Variants in ZNF827 observed in about 807,000 individuals in gnomAD.
The protein encoded by ZNF827 is zinc finger protein 827.
A neutral mutation model predicts 102.4 loss-of-function variants in ZNF827; 13 were observed. That is an observed-to-expected ratio of 0.13 (90% CI 0.08 to 0.20). The LOEUF (loss-of-function observed/expected upper bound fraction) is 0.20, where lower values mean the gene tolerates loss of function less well. Among genes scored for constraint, ZNF827 ranks in the 10% least tolerant of loss-of-function variants. The pLI is 1.00. For missense variants in ZNF827, 1,103 were observed against 1,344.4 expected, an observed-to-expected ratio of 0.82 and a Z score of 2.81; for synonymous variants, 523 against 536.2, an observed-to-expected ratio of 0.98 and a Z score of 0.34.
intron 5 of ZNF827, among the ~76,000 whole-genome samples, 198 bp downstream of exon 5, chr4:145,870,047 T>C (rs62326178): frequency 2.0e-5 from 3 of 152,216 alleles, no homozygotes; most frequent in African/African-American, 7.2e-5. Flanking sequence ...TTTAATAAGA[T>C]AGGTACACAG....
At chr4:145,862,507 T>A (rs1289967610) in intron 5 of ZNF827, among the ~76,000 whole-genome samples, 1 of 152,056 alleles carries the variant, frequency 6.6e-6, no homozygotes, top group African/African-American at 2.4e-5. Context: ...TATTTCATTG[T>A]CCCCCAGCCA....
chr4:145,871,130 T>C (rs929439213), intron 4 of ZNF827, among the ~76,000 whole-genome samples: 1 of 152,162 alleles, frequency 6.6e-6, no homozygotes. Context: ...GAACAGTTTT[T>C]ATTTTGGAAT....
intron 2 of ZNF827, among the ~76,000 whole-genome samples, chr4:145,895,055 G>C (rs1400852767): frequency 6.6e-6 from 1 of 152,064 alleles, no homozygotes; most frequent in African/African-American, 2.4e-5. Context: ...AAACAAACAG[G>C]CTGTCATTGA....
At chr4:145,908,892 G>C (rs1752073943) in intron 1 of ZNF827, among the ~76,000 whole-genome samples, 1 of 152,214 alleles carries the variant, frequency 6.6e-6, no homozygotes, top group African/African-American at 2.4e-5. Context: ...ATGAACTCCA[G>C]AGGTGCAGGT....
chr4:145,933,787 GAA>G (rs113838687), intron 1 of ZNF827, among the ~76,000 whole-genome samples: 1 of 141,548 alleles, frequency 7.1e-6, no homozygotes. Flanking sequence ...CACCAATGGT[GAA>G]AAAAAAAAAA....
chr4:145,829,511 G>A (rs905517843), intron 7 of ZNF827, among the ~76,000 whole-genome samples: 3 of 152,218 alleles, frequency 2.0e-5, no homozygotes, highest in Non-Finnish European at 4.4e-5. Flanking sequence ...GATTTCGAGA[G>A]CTGGATAAAA....
chr4:145,844,507 C>CTGGGCAACATGGCAAACA, intron 7 of ZNF827, among the ~76,000 whole-genome samples: 1 of 151,574 alleles, frequency 6.6e-6, no homozygotes, highest in Admixed American at 6.6e-5. Flanking sequence ...TGGCGAAACC[C>CTGGGCAACATGGCAAACA]TGTCTTTACA....
chr4:145,905,030 T>C (rs961260438), intron 1 of ZNF827, among the ~76,000 whole-genome samples: 5 of 152,236 alleles, frequency 3.3e-5, no homozygotes, highest in African/African-American at 1.2e-4. Flanking sequence ...ATTAGGTGCA[T>C]ATTTTTATTG....
chr4:145,794,354 A>G (rs1169850879), intron 8 of ZNF827, among the ~76,000 whole-genome samples: 1 of 152,172 alleles, frequency 6.6e-6, no homozygotes, highest in African/African-American at 2.4e-5. Context: ...GTCACATTCT[A>G]GTCTTACAGG....
At chr4:145,910,746 T>C (rs1310051829) in intron 1 of ZNF827, among the ~76,000 whole-genome samples, 1 of 152,196 alleles carries the variant, frequency 6.6e-6, no homozygotes, top group East Asian at 1.9e-4. Flanking sequence ...AAGGCATCCC[T>C]AATCATCTCC....
Position 145,765,482 on chromosome 4 carries a change from A to T in ZNF827, c.3052+65T>A. The T allele has an allele frequency of 2.6e-6, 4 of 1,534,244 alleles. No homozygotes were observed. The highest frequency in any genetic ancestry group is 3.5e-6 in the Non-Finnish European group (4 of 1,139,368). On this transcript the variant is annotated intron_variant, in intron 12 of 14. Coordinates refer to ENST00000508784, the MANE Select transcript of ZNF827 (RefSeq NM_001306215.2). The surrounding 1 kb of genome is among the most constrained non-coding windows in gnomAD (Gnocchi z 4.7). ...TTGACATCGCTCCTGTGCAGGGCTT[A>T]TTCTCAAGAATGGGTCATCCTGGGT...
chr4:145,860,753 T>C (rs1483835593), intron 5 of ZNF827, among the ~76,000 whole-genome samples: 1 of 152,210 alleles, frequency 6.6e-6, no homozygotes, highest in Non-Finnish European at 1.5e-5. Context: ...AAAAGAATTA[T>C]TAGAAGGGAA....
chr4:145,938,232 G>T, intron 1 of ZNF827, 133 bp downstream of exon 1: 2 of 1,062,322 alleles, frequency 1.9e-6, no homozygotes, highest in Non-Finnish European at 2.9e-6. Flanking sequence ...GAGTAACCCG[G>T]GCTGTGTCTT....
chr4:145,835,805 T>C (rs555046027), intron 7 of ZNF827, among the ~76,000 whole-genome samples: 1 of 141,826 alleles, frequency 7.1e-6, no homozygotes, highest in South Asian at 2.6e-4. Flanking sequence ...CATGGCCTTT[T>C]AAAGACTATA....
At position 145,849,332 on chromosome 4, in the gene ZNF827, A is replaced by G. The variant is rs1190670863; in HGVS notation, c.2211T>C (p.Phe737=). Residue 737 remains phenylalanine (F), a synonymous_variant, in exon 6 of 15, where the codon TTT becomes TTC. Coordinates refer to ENST00000508784, the MANE Select transcript of ZNF827 (RefSeq NM_001306215.2). ...TGTGCATAAACATACCTGACAGTTG[A>G]AAGAGGAGCTCGGAAGCCATTTTCA... ...ISVKMASELL[F]QLSEKVSKEH... is the part of the protein sequence containing the mutation. The G allele has an allele frequency of 1.2e-6, 2 of 1,613,912 alleles. No homozygotes were observed. Among genetic ancestry groups the G allele is most frequent in the African/African-American group, 1.3e-5 (1 of 74,904 alleles).
intron 4 of ZNF827, among the ~76,000 whole-genome samples, chr4:145,880,673 A>G (rs1749585195): frequency 1.3e-5 from 2 of 152,232 alleles, no homozygotes; most frequent in African/African-American, 4.8e-5. Context: ...TTACACATAT[A>G]AGGCCCCTAA....
rs1274509877 is a variant in ZNF827 at position 145,759,109 on chromosome 4, G to A, written c.*2507C>T. On this transcript the variant is annotated 3_prime_UTR_variant, in exon 15 of 15. Coordinates refer to ENST00000508784, the MANE Select transcript of ZNF827 (RefSeq NM_001306215.2). ...GAAAACAGCAACACAGTAAGAAAAT[G>A]TTCCTCCTGTACACCAGTTCTCCAA... 6.6e-6 allele frequency: 1 copy of A among 152,142 alleles called. No homozygotes were observed. The highest frequency in any genetic ancestry group is 2.4e-5 in the African/African-American group (1 of 41,440). 9.4% of individuals were successfully genotyped at this position (152,142 alleles called of 1,614,324 possible). A position where few individuals can be genotyped will look rare whatever the true frequency, so the allele number is the denominator to read the frequency against.
At chr4:145,880,160 G>A (rs958336656) in intron 4 of ZNF827, among the ~76,000 whole-genome samples, 1 of 152,130 alleles carries the variant, frequency 6.6e-6, no homozygotes, top group Non-Finnish European at 1.5e-5. Flanking sequence ...GCTTGAACCC[G>A]GGAGGCGGAT....
At chr4:145,889,999 A>G (rs915279683) in intron 3 of ZNF827, among the ~76,000 whole-genome samples, 1 of 151,890 alleles carries the variant, frequency 6.6e-6, no homozygotes, top group African/African-American at 2.4e-5. Context: ...AAAAAAAAAA[A>G]ATCTGTCCGT....
Sources: allele counts gnomAD v4.1 joint callset (sites outside exome capture counted in the v4.1 genomes callset), GRCh38; gene constraint gnomAD v4.1.1; non-coding constraint Gnocchi (gnomAD v3.1); transcripts MANE v1.5; gene names NCBI Gene and HGNC (gene_info 2026-07-23, HGNC 2026-07-21).